The following MYB variants were observed in gnomAD, a reference collection of about 807,000 sequenced individuals.
The protein encoded by MYB is transcriptional activator Myb.
A neutral mutation model predicts 92.9 loss-of-function variants in MYB; 28 were observed. The observed-to-expected ratio is 0.30, with a 90% confidence interval of 0.22 to 0.41. The LOEUF (loss-of-function observed/expected upper bound fraction) is 0.41, where lower values mean the gene tolerates loss of function less well. MYB is among the 10% of genes least tolerant of loss of function. The pLI is 1.00. For missense variants in MYB, 679 were observed against 929.3 expected (o/e 0.73, Z 3.50); for synonymous variants, 295 against 329.1 (o/e 0.90, Z 1.12).
chr6:135,181,542 G>A lies in MYB; in HGVS notation c.23+6G>A. 1 of 1,165,718 alleles carries A rather than the reference G, an allele frequency of 8.6e-7. No individual in the cohort carries two copies. Among genetic ancestry groups the A allele is most frequent in the Non-Finnish European group, 1.1e-6 (1 of 945,448 alleles). The allele number at this position is 1,165,718 out of a possible 1,614,324, so 72.2% of individuals were successfully genotyped here. A position where few individuals can be genotyped will look rare whatever the true frequency, so the allele number is the denominator to read the frequency against. ...GCCCGAAGACCCCGGCACAGGTAAC[G>A]GGGAGCCGGGCGGGCGGCCGAGGGC... On this transcript the variant is annotated splice_donor_region_variant and intron_variant, in intron 1 of 15. Coordinates refer to ENST00000341911, the MANE Select transcript of MYB (RefSeq NM_001130173.2). The surrounding 1 kb of genome is among the most constrained non-coding windows in gnomAD (Gnocchi z 5.3).
In MYB at chr6:135,190,022, G is replaced by A; in HGVS notation, c.307-105G>A. 6.9e-7 allele frequency: 1 copy of A among 1,458,730 alleles called. No individual in the cohort carries two copies. Among genetic ancestry groups the A allele is most frequent in the Non-Finnish European group, 9.3e-7 (1 of 1,070,264 alleles). The allele number at this position is 1,458,730 out of a possible 1,614,324, so 90.4% of individuals were successfully genotyped here. ...ATTCCCATATTTCCAGTGAATGAAA[G>A]CAAATTTTGGAAATTTTCTAAAGAT... On this transcript the variant is annotated intron_variant, in intron 4 of 15. Coordinates refer to ENST00000341911, the MANE Select transcript of MYB (RefSeq NM_001130173.2). This position sits in a 1 kb window ranked among gnomAD's most constrained non-coding sequence, Gnocchi z 4.5.
chr6:135,217,726 C>T, intron 15 of MYB, 138 bp from the exon 16 acceptor site: 2 of 722,356 alleles, frequency 2.8e-6, no homozygotes, highest in Non-Finnish European at 2.5e-6. Context: ...TTTCTGGGGG[C>T]CAGGGAGGTA....
At chr6:135,191,373 G>A (rs1424803020) in intron 5 of MYB, among the ~76,000 whole-genome samples, 1 of 152,122 alleles carries the variant, frequency 6.6e-6, no homozygotes, top group Non-Finnish European at 1.5e-5. Context: ...AAATGATGTA[G>A]ATCAAAAATA....
chr6:135,194,761 A>T (rs762901601), intron 8 of MYB: 2 of 618,312 alleles, frequency 3.2e-6, no homozygotes, highest in Non-Finnish European at 5.2e-6. Flanking sequence ...AAATGAATGA[A>T]AATCTGCATT....
chr6:135,210,029 C>G (rs772851447), intron 15 of MYB, among the ~76,000 whole-genome samples: 2 of 152,170 alleles, frequency 1.3e-5, no homozygotes, highest in South Asian at 2.1e-4. Flanking sequence ...AGTAGTTACC[C>G]GAGAGAGACC....
chr6:135,185,747 C>T (rs1351708255), intron 1 of MYB, 156 bp from the exon 2 acceptor site: 1 of 682,318 alleles, frequency 1.5e-6, no homozygotes, highest in African/African-American at 1.8e-5. Flanking sequence ...ACTAGAGCAA[C>T]AGAATGCAGC....
At chr6:135,209,233 AT>A (rs1363879624) in intron 15 of MYB, among the ~76,000 whole-genome samples, 1 of 151,670 alleles carries the variant, frequency 6.6e-6, no homozygotes, top group African/African-American at 2.4e-5. Context: ...GATACAAATA[AT>A]TTTTTTTGTT....
At chr6:135,195,371 GT>G in intron 8 of MYB, 1 of 254,692 alleles carries the variant, frequency 3.9e-6, no homozygotes, top group Non-Finnish European at 7.7e-6. Context: ...CTTTTTTGTG[GT>G]TAGAATGCAA....
chr6:135,187,082 G>T (rs1045575171), intron 2 of MYB, among the ~76,000 whole-genome samples: 22 of 152,248 alleles, frequency 1.4e-4, no homozygotes, highest in Middle Eastern at 3.4e-3. Flanking sequence ...TTGTACCAGG[G>T]ACCTCCACTG....
At chr6:135,196,617 T>C (rs1777352897) in intron 9 of MYB, 3 of 689,484 alleles carry the variant, frequency 4.4e-6, no homozygotes, top group African/African-American at 3.7e-5. Context: ...CTTGGTTCCT[T>C]TCCCAGTTGA....
intron 1 of MYB, among the ~76,000 whole-genome samples, chr6:135,185,400 C>T (rs1775779574): frequency 6.6e-6 from 1 of 152,144 alleles, no homozygotes; most frequent in Non-Finnish European, 1.5e-5. Flanking sequence ...TTGCGCTGTA[C>T]TACTTCTTGA....
Position 135,181,314 on chromosome 6 carries a change from T to C in MYB, c.-200T>C, listed in dbSNP as rs1775003190. 2 of 192,346 alleles carry C rather than the reference T, an allele frequency of 1.0e-5. No homozygotes were observed. The highest frequency in any genetic ancestry group is 4.8e-5 in the African/African-American group (2 of 42,024). The allele number at this position is 192,346 out of a possible 1,614,324, so 11.9% of individuals were successfully genotyped here. ...ATCTCTGTTTACAGAGTTTACACTT[T>C]AATATCAACCTGTTTCCTCCTCCTC... On this transcript the variant is annotated 5_prime_UTR_variant, in exon 1 of 16. Transcript: ENST00000341911. This position sits in a 1 kb window ranked among gnomAD's most constrained non-coding sequence, Gnocchi z 5.3.
At chr6:135,214,952 G>A (rs566400245) in intron 15 of MYB, among the ~76,000 whole-genome samples, 1 of 152,298 alleles carries the variant, frequency 6.6e-6, no homozygotes, top group African/African-American at 2.4e-5. Context: ...CAGAATACCT[G>A]TCTGTTATCT....
At chr6:135,199,480 G>C in intron 11 of MYB, 1 of 598,788 alleles carries the variant, frequency 1.7e-6, no homozygotes, top group Non-Finnish European at 2.2e-6. Context: ...TTTATTTTTA[G>C]TTTGTATTTT....
At position 135,199,042 on chromosome 6, in the gene MYB, A is replaced by G; in HGVS notation, c.1701A>G (p.Glu567=). Reference sequence around the variant, plus strand: ...ACCAGACTGTGAAAACTCAAAAGGAAAATACTGTGTAAGTCTTTGGTTCAG... The same window carrying G: ...ACCAGACTGTGAAAACTCAAAAGGAGAATACTGTGTAAGTCTTTGGTTCAG... The part of the protein sequence containing the change: ...HRDQTVKTQK[E]NTVFRTPAIK... Residue 567 remains glutamate, a synonymous_variant, in exon 11 of 16, where the codon GAA becomes GAG. Coordinates refer to ENST00000341911, the MANE Select transcript of MYB (RefSeq NM_001130173.2). The G allele has an allele frequency of 1.2e-6, 2 of 1,600,360 alleles. No homozygotes were observed. Among genetic ancestry groups the G allele is most frequent in the South Asian group, 2.3e-5 (2 of 87,788 alleles).
intron 15 of MYB, among the ~76,000 whole-genome samples, chr6:135,216,669 C>G (rs981800828): frequency 2.0e-5 from 3 of 152,178 alleles, no homozygotes; most frequent in African/African-American, 7.2e-5. Flanking sequence ...TGCAGAGGGC[C>G]AACTGTGTTT....
In MYB at chr6:135,197,058, A is replaced by C. The variant is rs1228391356; in HGVS notation, c.1301A>C (p.Gln434Pro). The part of the protein sequence containing the change: ...QHHTGKALQL[Q>P]QREGNGTKPA... Reference sequence around the variant, plus strand: ...CACACAGGCAAAGCCCTACAGCTTCAGCAAAGAGAGGGCAATGGGACTAAA... The same window carrying C: ...CACACAGGCAAAGCCCTACAGCTTCCGCAAAGAGAGGGCAATGGGACTAAA... The change falls in exon 10 of 16, where the codon CAG (glutamine) becomes CCG (proline). Residue 434 changes from glutamine to proline, a missense_variant. Around this residue, in one of 8 missense-constraint regions of MYB, gnomAD observed 402 missense variants for 434.2 expected, o/e 0.93. Transcript: ENST00000341911. 1 of 1,614,074 alleles carries C rather than the reference A, an allele frequency of 6.2e-7. No homozygotes were observed. The highest frequency in any genetic ancestry group is 2.2e-5 in the East Asian group (1 of 44,890).
At chr6:135,187,183 G>A (rs567442242) in intron 2 of MYB, among the ~76,000 whole-genome samples, 1 of 152,290 alleles carries the variant, frequency 6.6e-6, no homozygotes, top group Non-Finnish European at 1.5e-5. Flanking sequence ...TAAACTAAAA[G>A]AACTGATTAG....
chr6:135,184,653 G>A lies in MYB; in HGVS notation c.24-1250G>A, dbSNP rs573494598. 2.6e-5 allele frequency among the ~76,000 whole-genome samples: 4 copies of A among 152,214 alleles called. No homozygotes were observed. The East Asian group carries it at 7.7e-4, about 29-fold the overall frequency. ...AGCACTTCAGCTTCACTTGTAGGGG[G>A]CTGGTAATATGCATACCAGTGAGTT... On this transcript the variant is annotated intron_variant, in intron 1 of 15. Transcript: ENST00000341911.
Sources: allele counts gnomAD v4.1 joint callset (sites outside exome capture counted in the v4.1 genomes callset), GRCh38; gene constraint gnomAD v4.1.1; regional missense constraint gnomAD v4.1.1; non-coding constraint Gnocchi (gnomAD v3.1); transcripts MANE v1.5; gene names NCBI Gene and HGNC (gene_info 2026-07-23, HGNC 2026-07-21).